UNC13C: variants seen among roughly 807,000 people sequenced by gnomAD.
UNC13C encodes unc-13 homolog C.
In UNC13C, 174 loss-of-function variants were observed where a neutral mutation model predicts 245.4. The ratio of observed to expected loss-of-function variants is 0.71; its 90% CI spans 0.63 to 0.80. The LOEUF (loss-of-function observed/expected upper bound fraction) is 0.80. UNC13C is among the 30% of genes least tolerant of loss of function. UNC13C has a pLI of 0.00. For missense variants in UNC13C, 2,829 were observed against 2,602.9 expected (o/e 1.09, Z -1.89); for synonymous variants, 992 against 895.1 (o/e 1.11, Z -1.93).
At chr15:54,394,100 T>C (rs2040020008) in intron 18 of UNC13C, among the ~76,000 whole-genome samples, 1 of 151,876 alleles carries the variant, frequency 6.6e-6, no homozygotes, top group Non-Finnish European at 1.5e-5. Context: ...TGTATTCTTA[T>C]CCTCTATACT....
intron 4 of UNC13C, among the ~76,000 whole-genome samples, chr15:54,194,906 C>T (rs1194649579): frequency 1.3e-5 from 2 of 152,120 alleles, no homozygotes; most frequent in African/African-American, 4.8e-5. Flanking sequence ...GACAAAAATC[C>T]TCAGTGAAAC....
At chr15:54,507,698 A>G (rs1333165529) in intron 23 of UNC13C, among the ~76,000 whole-genome samples, 1 of 152,078 alleles carries the variant, frequency 6.6e-6, no homozygotes, top group African/African-American at 2.4e-5. Context: ...TAGTATTGCA[A>G]CTTAATCAAA....
chr15:54,545,608 A>C (rs1268099212), intron 26 of UNC13C, among the ~76,000 whole-genome samples: 1 of 152,244 alleles, frequency 6.6e-6, no homozygotes, highest in African/African-American at 2.4e-5. Flanking sequence ...TAAGGAACTT[A>C]AACAAATTTA....
In UNC13C at chr15:54,274,829, G is replaced by A. The variant is rs1398550466; in HGVS notation, c.3818+9333G>A. 5.9e-5 allele frequency among the ~76,000 whole-genome samples: 9 copies of A among 151,798 alleles called. No individual in the cohort carries two copies. In the East Asian group the frequency reaches 1.6e-3, roughly 26 times the overall value. ...TGGGACTACAGGCGCCCGCCACCAC[G>A]CCCAGCTAATTTTTGTATTTTTAGT... On this transcript the variant is annotated intron_variant, in intron 10 of 32. Coordinates refer to ENST00000260323, the MANE Select transcript of UNC13C (RefSeq NM_001080534.3).
chr15:54,411,522 G>C (rs967236859), intron 18 of UNC13C, among the ~76,000 whole-genome samples: 7 of 152,002 alleles, frequency 4.6e-5, no homozygotes, highest in Admixed American at 4.6e-4. Context: ...TTAATTTGTT[G>C]CAAGGTATGA....
the UNC13C span, among the ~76,000 whole-genome samples, chr15:53,938,531 T>C: frequency 6.6e-6 from 1 of 152,148 alleles, no homozygotes; most frequent in Non-Finnish European, 1.5e-5. Flanking sequence ...TGCAGAGCTG[T>C]CCACCCCCAA....
intron 17 of UNC13C, among the ~76,000 whole-genome samples, chr15:54,360,346 A>G (rs951132370): frequency 6.6e-6 from 1 of 151,934 alleles, no homozygotes; most frequent in Non-Finnish European, 1.5e-5. Flanking sequence ...TTTAACTTTG[A>G]TATTTCTTTG....
At chr15:54,445,036 A>G (rs948895693) in intron 19 of UNC13C, among the ~76,000 whole-genome samples, 4 of 140,308 alleles carry the variant, frequency 2.9e-5, no homozygotes, top group African/African-American at 1.1e-4. Flanking sequence ...ACATTGTTCA[A>G]TGCCCACCTA....
chr15:53,866,165 A>T, the UNC13C span, among the ~76,000 whole-genome samples: 1 of 152,226 alleles, frequency 6.6e-6, no homozygotes, highest in South Asian at 2.1e-4. Flanking sequence ...TGATGTGGTT[A>T]TATCACATAA....
chr15:54,542,348 A>T (rs1896284949), intron 26 of UNC13C, among the ~76,000 whole-genome samples: 1 of 152,076 alleles, frequency 6.6e-6, no homozygotes, highest in African/African-American at 2.4e-5. Context: ...ATTTGATTGC[A>T]CTGTGGTCTG....
the UNC13C span, among the ~76,000 whole-genome samples, chr15:53,939,607 A>C: frequency 6.6e-6 from 1 of 152,190 alleles, no homozygotes; most frequent in East Asian, 1.9e-4. Flanking sequence ...TAGCAAACCG[A>C]ATCCAGCAGC....
At chr15:54,507,030 C>A in intron 22 of UNC13C, 87 bp from the exon 23 acceptor site, 4 of 805,256 alleles carry the variant, frequency 5.0e-6, no homozygotes, top group Non-Finnish European at 7.5e-6. Context: ...AAAAAGACAG[C>A]AAGAAGTTAA....
At chr15:53,952,677 G>A in the UNC13C span, among the ~76,000 whole-genome samples, 1 of 152,184 alleles carries the variant, frequency 6.6e-6, no homozygotes, top group Non-Finnish European at 1.5e-5. Context: ...TGATTTTAAT[G>A]TATAACCAAA....
At chr15:53,853,102 G>A in the UNC13C span, among the ~76,000 whole-genome samples, 1 of 151,700 alleles carries the variant, frequency 6.6e-6, no homozygotes, top group Admixed American at 6.6e-5. Flanking sequence ...GTGGTTTGCT[G>A]CAGAGATCAA....
intron 7 of UNC13C, among the ~76,000 whole-genome samples, chr15:54,242,580 G>C (rs1043798362): frequency 2.0e-5 from 3 of 151,424 alleles, no homozygotes; most frequent in Non-Finnish European, 3.0e-5. Flanking sequence ...TTATCTCCTT[G>C]TTTTCTATTT....
intron 2 of UNC13C, among the ~76,000 whole-genome samples, chr15:54,142,447 T>A (rs1314628171): frequency 1.3e-5 from 2 of 152,216 alleles, no homozygotes; most frequent in East Asian, 3.8e-4. Flanking sequence ...GGCATCAGTT[T>A]TCTTATGTGT....
intron 2 of UNC13C, among the ~76,000 whole-genome samples, chr15:54,042,237 A>C (rs181563593): frequency 6.6e-6 from 1 of 152,346 alleles, no homozygotes; most frequent in African/African-American, 2.4e-5. Context: ...AATAATTGTC[A>C]GAAAAATCTT....
At chr15:54,034,617 T>A (rs960644358) in intron 2 of UNC13C, among the ~76,000 whole-genome samples, 1 of 152,230 alleles carries the variant, frequency 6.6e-6, no homozygotes, top group African/African-American at 2.4e-5. Context: ...GTGAAATTCT[T>A]AGTGTATTTG....
intron 4 of UNC13C, among the ~76,000 whole-genome samples, chr15:54,218,013 A>C (rs12443394): frequency 0.05 from 7,587 of 152,084 alleles, 384 homozygotes; most frequent in East Asian, 0.27. Context: ...TGCCAGAACT[A>C]GTTCTAGGAA....
Sources: allele counts gnomAD v4.1 joint callset (sites outside exome capture counted in the v4.1 genomes callset), GRCh38; gene constraint gnomAD v4.1.1; transcripts MANE v1.5; gene names NCBI Gene and HGNC (gene_info 2026-07-23, HGNC 2026-07-21).